Variants in ZNF569 observed in about 807,000 individuals in gnomAD.
The protein encoded by ZNF569 is DNA-binding protein.
In ZNF569, 38 loss-of-function variants were observed where a neutral mutation model predicts 56.3. The ratio of observed to expected loss-of-function variants is 0.68; its 90% CI spans 0.52 to 0.88. The LOEUF (loss-of-function observed/expected upper bound fraction) is 0.88. ZNF569 is among the 40% of genes least tolerant of loss of function. The pLI is 0.00. For missense variants in ZNF569, 666 were observed against 809.2 expected (o/e 0.82, Z 2.15); for synonymous variants, 241 against 262.9 (o/e 0.92, Z 0.81).
chr19:37,447,769 C>G (rs977143050), intron 2 of ZNF569, among the ~76,000 whole-genome samples: 6 of 152,208 alleles, frequency 3.9e-5, no homozygotes, highest in African/African-American at 7.2e-5. Context: ...TTGTTCCCTT[C>G]AATTCCTAGT....
At position 37,412,453 on chromosome 19, in the gene ZNF569, T is replaced by C; in HGVS notation, c.*144A>G. 1 of 1,329,384 alleles carries C rather than the reference T, an allele frequency of 7.5e-7. No individual in the cohort carries two copies. The highest frequency in any genetic ancestry group is 9.7e-7 in the Non-Finnish European group (1 of 1,034,086). The allele number at this position is 1,329,384 out of a possible 1,614,324, so 82.3% of individuals were successfully genotyped here. A position where few individuals can be genotyped will look rare whatever the true frequency, so the allele number is the denominator to read the frequency against. On this transcript the variant is annotated 3_prime_UTR_variant, in exon 6 of 6. Coordinates refer to ENST00000316950, the MANE Select transcript of ZNF569 (RefSeq NM_152484.3). Reference sequence around the variant, plus strand: ...ATATAATTTGTCACCTTGGAAGAATTCTCTAATGTTTCATAAATTTGTGGC... The same window carrying C: ...ATATAATTTGTCACCTTGGAAGAATCCTCTAATGTTTCATAAATTTGTGGC...
chr19:37,468,992 G>A (rs2041903055), upstream of ZNF569: 2 of 942,000 alleles, frequency 2.1e-6, no homozygotes, highest in Non-Finnish European at 2.5e-6. Context: ...TTTTCCCTGC[G>A]GCCAACCTGC....
Position 37,412,661 on chromosome 19 carries a change from T to C in ZNF569, c.1997A>G (p.Glu666Gly). The C allele has an allele frequency of 6.2e-7, 1 of 1,613,698 alleles. No individual in the cohort carries two copies. The highest frequency in any genetic ancestry group is 8.5e-7 in the Non-Finnish European group (1 of 1,179,850). ...CTTTTGGCTGAAAGCCTTGCCACAC[T>C]CAATACAGTGATAGGGCTTCTCACC... ...HTGEKPYHCI[E>G]CGKAFSQKSH... The change falls in exon 6 of 6, where the codon GAG (glutamate) becomes GGG (glycine). Residue 666 changes from glutamate to glycine, a missense_variant. By Grantham distance (98) the Glu-to-Gly change is moderately conservative (BLOSUM62 -2). Coordinates refer to ENST00000316950, the MANE Select transcript of ZNF569 (RefSeq NM_152484.3).
chr19:37,452,013 A>G (rs139299045), intron 2 of ZNF569, among the ~76,000 whole-genome samples: 3 of 152,108 alleles, frequency 2.0e-5, no homozygotes, highest in East Asian at 3.9e-4. Flanking sequence ...TCTCTCTTGC[A>G]GTCTCCCTTT....
At position 37,465,429 on chromosome 19, in the gene ZNF569, A is replaced by G. The variant is rs1382545938; in HGVS notation, c.-160T>C. 6.6e-6 allele frequency: 1 copy of G among 152,258 alleles called. No homozygotes were observed. Among genetic ancestry groups the G allele is most frequent in the East Asian group, 1.9e-4 (1 of 5,198 alleles). The allele number at this position is 152,258 out of a possible 1,614,324, so 9.4% of individuals were successfully genotyped here. A position where few individuals can be genotyped will look rare whatever the true frequency, so the allele number is the denominator to read the frequency against. ...GTGCCTGTTACACAGACAGCCTTCAATAAATGAGTCTATGAATGAATGAAT... is the reference window on the plus strand; with the variant it reads ...GTGCCTGTTACACAGACAGCCTTCAGTAAATGAGTCTATGAATGAATGAAT... On this transcript the variant is annotated 5_prime_UTR_variant, in exon 2 of 6. Transcript: ENST00000316950.
At chr19:37,460,514 G>C (rs1450128585) in intron 2 of ZNF569, among the ~76,000 whole-genome samples, 1 of 150,954 alleles carries the variant, frequency 6.6e-6, no homozygotes. Flanking sequence ...GCAATTAGAA[G>C]ACAGATTGTC....
intron 3 of ZNF569, among the ~76,000 whole-genome samples, chr19:37,437,004 C>T (rs1423477519): frequency 6.9e-6 from 1 of 145,970 alleles, no homozygotes; most frequent in Admixed American, 6.9e-5. Flanking sequence ...GAAAACCAGA[C>T]CAAGACACAT....
At chr19:37,442,929 C>T (rs2041430208) in intron 3 of ZNF569, among the ~76,000 whole-genome samples, 1 of 152,188 alleles carries the variant, frequency 6.6e-6, no homozygotes, top group Non-Finnish European at 1.5e-5. Context: ...GAAAAGGTAT[C>T]CTAGAGTGCT....
chr19:37,464,468 G>A (rs191998370), intron 2 of ZNF569, among the ~76,000 whole-genome samples: 3 of 152,176 alleles, frequency 2.0e-5, no homozygotes, highest in Admixed American at 2.0e-4. Flanking sequence ...GGATTCCACC[G>A]CGCCTGGCCC....
intron 2 of ZNF569, among the ~76,000 whole-genome samples, chr19:37,461,342 ACT>A (rs1410742053): frequency 2.1e-5 from 3 of 143,368 alleles, no homozygotes; most frequent in Non-Finnish European, 3.0e-5. Context: ...ACAGAGTCTC[ACT>A]CTGTCAGGCT....
At chr19:37,452,158 G>A (rs746271581) in intron 2 of ZNF569, among the ~76,000 whole-genome samples, 8 of 152,076 alleles carry the variant, frequency 5.3e-5, no homozygotes, top group Non-Finnish European at 1.2e-4. Context: ...TTTTGAGCTG[G>A]TAACAAACTT....
Position 37,427,761 on chromosome 19 carries a change from C to G in ZNF569, c.16-1383G>C, listed in dbSNP as rs761876426. On this transcript the variant is annotated intron_variant, in intron 3 of 5. Coordinates refer to ENST00000316950, the MANE Select transcript of ZNF569 (RefSeq NM_152484.3). ...GGCAAAGTGTCAGAGGAAAAAAACC[C>G]TGAAATCCAGGGGTTTTTAATATTT... The G allele has an allele frequency of 1.6e-5, 8 of 510,918 alleles. No homozygotes were observed. In the East Asian group the frequency reaches 3.8e-4, roughly 25 times the overall value. The allele number at this position is 510,918 out of a possible 1,614,324, so 31.6% of individuals were successfully genotyped here. A position where few individuals can be genotyped will look rare whatever the true frequency, so the allele number is the denominator to read the frequency against.
At chr19:37,426,435 A>C (rs534538271) in intron 3 of ZNF569, 57 bp from the exon 4 acceptor site, 2 of 1,506,102 alleles carry the variant, frequency 1.3e-6, no homozygotes, top group African/African-American at 1.4e-5. Flanking sequence ...GATTGTAAAC[A>C]AAATATATTG....
chr19:37,435,307 AAAAAACATACAACAGATACAT>A (rs1243482523), intron 3 of ZNF569, among the ~76,000 whole-genome samples: 2 of 152,198 alleles, frequency 1.3e-5, no homozygotes, highest in Non-Finnish European at 2.9e-5. Context: ...ACCTCAAATC[AAAAAACATACAACAGATACAT>A]AAAAAGTAAA....
chr19:37,446,372 A>G (rs1477282611), intron 2 of ZNF569, among the ~76,000 whole-genome samples: 2 of 151,714 alleles, frequency 1.3e-5, no homozygotes, highest in Non-Finnish European at 2.9e-5. Context: ...ACACAGTGAA[A>G]CCCCGTCTCT....
At chr19:37,451,742 T>C (rs973645412) in intron 2 of ZNF569, among the ~76,000 whole-genome samples, 1 of 152,176 alleles carries the variant, frequency 6.6e-6, no homozygotes, top group African/African-American at 2.4e-5. Flanking sequence ...CTGACATATG[T>C]ATAGCTACCC....
chr19:37,413,751 A>G lies in ZNF569; in HGVS notation c.907T>C (p.Cys303Arg), dbSNP rs1436578645. 2 of 1,613,406 alleles carry G rather than the reference A, an allele frequency of 1.2e-6. No homozygotes were observed. The highest frequency in any genetic ancestry group is 1.7e-6 in the Non-Finnish European group (2 of 1,179,868). Reference protein sequence around the residue: ...TGEKPYECNECGKAFSQKQSL... With the variant: ...TGEKPYECNERGKAFSQKQSL... Reference sequence around the variant, plus strand: ...TGCTTCTGGCTGAATGCTTTTCCACACTCATTACATTCATAAGGTTTCTCT... The same window carrying G: ...TGCTTCTGGCTGAATGCTTTTCCACGCTCATTACATTCATAAGGTTTCTCT... Residue 303 changes from cysteine to arginine, a missense_variant, in exon 6 of 6, where the codon TGT becomes CGT. Cys to Arg is a radical substitution (Grantham distance 180). Transcript: ENST00000316950.
At chr19:37,415,820 C>T (rs1266387263) in intron 5 of ZNF569, among the ~76,000 whole-genome samples, 1 of 149,946 alleles carries the variant, frequency 6.7e-6, no homozygotes, top group Non-Finnish European at 1.5e-5. Flanking sequence ...GTAGAGGTTG[C>T]GGTGAGCCAA....
intron 3 of ZNF569, among the ~76,000 whole-genome samples, chr19:37,434,127 C>A (rs893676958): frequency 6.6e-6 from 1 of 151,824 alleles, no homozygotes; most frequent in Admixed American, 6.6e-5. Context: ...CTGTGAAACG[C>A]CATCTCTACT....
Sources: gnomAD v4.1 joint callset for allele counts (sites outside exome capture counted in the v4.1 genomes callset) on GRCh38, gnomAD v4.1.1 for gene constraint, MANE v1.5 for transcripts, NCBI Gene and HGNC (gene_info 2026-07-23, HGNC 2026-07-21) for gene names.